TTN: variants seen among roughly 807,000 people sequenced by gnomAD.
The protein encoded by TTN is connectin.
A neutral mutation model predicts 3,223.0 loss-of-function variants in TTN; 1,525 were observed. The observed-to-expected ratio is 0.47, with a 90% CI of 0.45 to 0.49. The LOEUF is 0.49. TTN is among the 20% of genes least tolerant of loss of function. The probability of loss-of-function intolerance (pLI) is 0.00; values close to 1 mark genes in which losing one functional copy is unlikely to be tolerated. For synonymous variants in TTN, 14,094 were observed against 15,161.0 expected, an observed-to-expected ratio of 0.93 and a Z score of 5.17; for missense variants, 40,786 against 43,424.0, an observed-to-expected ratio of 0.94 and a Z score of 5.40.
At position 178,577,661 on chromosome 2, in the gene TTN, G is replaced by A. The variant is rs367924146; in HGVS notation, c.68765C>T (p.Ala22922Val). The part of the protein sequence containing the change: ...YEFRIRAKNT[A>V]GAISAPSEST... ...TTCTGATGGAGCACTGATAGCACCT[G>A]CTGTATTCTTTGCTCTAATTCTGAA... Residue 22922 changes from alanine to valine, a missense_variant, in exon 323 of 363, where the codon GCA (alanine) becomes GTA (valine). Transcript: ENST00000589042. 1.2e-6 allele frequency: 2 copies of A among 1,613,156 alleles called. No individual in the cohort carries two copies. Among genetic ancestry groups the A allele is most frequent in the South Asian group, 1.1e-5 (1 of 91,032 alleles).
At position 178,599,017 on chromosome 2, in the gene TTN, C is replaced by T. The variant is rs572453785; in HGVS notation, c.56693G>A (p.Arg18898His). ...PDKPTVSSVT[R>H]NSMTVNWEEP... ...TTCCCAGTTGACAGTCATGGAGTTA[C>T]GAGTCACGCTGCTAACTGTTGGTTT... is the stretch of plus-strand genomic sequence containing the variant. The change falls in exon 291 of 363, where the codon CGT (arginine) becomes CAT (histidine). Residue 18898 changes from arginine to histidine, a missense_variant. Coordinates refer to ENST00000589042, the MANE Select transcript of TTN (RefSeq NM_001267550.2). 132 of 1,598,810 alleles carry T rather than the reference C, an allele frequency of 8.3e-5. 1 individual carries two copies. The highest frequency in any genetic ancestry group is 2.7e-4 in the African/African-American group (20 of 74,372).
chr2:178,631,407 A>G lies in TTN; in HGVS notation c.43748-107T>C, dbSNP rs908331221. 3 of 1,256,650 alleles carry G rather than the reference A, an allele frequency of 2.4e-6. No homozygotes were observed. In the African/African-American group the frequency reaches 4.6e-5, roughly 19 times the overall value. The allele number at this position is 1,256,650 out of a possible 1,614,324, so 77.8% of individuals were successfully genotyped here. On this transcript the variant is annotated intron_variant, in intron 236 of 362. Coordinates refer to ENST00000589042, the MANE Select transcript of TTN (RefSeq NM_001267550.2). Reference sequence around the variant, plus strand: ...CACAGAGTTCTGAGTATCTTTTAAAATTGTGTCAAGTGTTCAATCATTTAA... The same window carrying G: ...CACAGAGTTCTGAGTATCTTTTAAAGTTGTGTCAAGTGTTCAATCATTTAA...
rs746627128 is a variant in TTN at position 178,764,294 on chromosome 2, C to G, written c.9997G>C (p.Val3333Leu). ...SASLSVEVPE[V>L]VSPDQEMPVY... ...GGCATTTCCTGATCAGGAGACACAA[C>G]TTCTGGAACTAAAGAAAGAAACCAC... Residue 3333 changes from valine (V) to leucine (L), a missense_variant, in exon 43 of 363, where the codon GTT (valine) becomes CTT (leucine). Transcript: ENST00000589042. 6.2e-7 allele frequency: 1 copy of G among 1,613,968 alleles called. No individual in the cohort carries two copies. Among genetic ancestry groups the G allele is most frequent in the Non-Finnish European group, 8.5e-7 (1 of 1,179,956 alleles).
rs6723145 is a variant in TTN, at chr2:178,642,133, C to T, written c.40558+104G>A. On this transcript the variant is annotated intron_variant, in intron 219 of 362. Coordinates refer to ENST00000589042, the MANE Select transcript of TTN (RefSeq NM_001267550.2). ...ACTACAAACAAATTTTGATAAATAG[C>T]GAACCAATTCAAAGAAAACCAAAGG... 1.0e-3 allele frequency: 931 copies of T among 886,688 alleles called. 8 individuals carry two copies. In the African/African-American group the frequency reaches 0.015, roughly 14 times the overall value. The allele number at this position is 886,688 out of a possible 1,614,324, so 54.9% of individuals were successfully genotyped here.
chr2:178,551,807 CTTTCT>C lies in TTN; in HGVS notation c.91088_91092del (p.Lys30363ArgfsTer4). 6.2e-7 allele frequency: 1 copy of C among 1,613,850 alleles called. No homozygotes were observed. Among genetic ancestry groups the C allele is most frequent in the Non-Finnish European group, 8.5e-7 (1 of 1,179,818 alleles). On this transcript the variant is annotated frameshift_variant, in exon 335 of 363. Coordinates refer to ENST00000589042, the MANE Select transcript of TTN (RefSeq NM_001267550.2). LOFTEE classifies it high-confidence loss of function. ...TTTTGCCAGAGGATGCTATTTCTTT[CTTTCT>C]TTTCAACATGGAATCCAGTAACTTC...
chr2:178,778,161 T>C, intron 24 of TTN, 186 bp from the exon 25 acceptor site: 1 of 762,836 alleles, frequency 1.3e-6, no homozygotes, highest in Non-Finnish European at 2.1e-6. Flanking sequence ...ACTATGTTTT[T>C]CCTATATTCT....
At chr2:178,683,601 T>G (rs893362067) in intron 133 of TTN, among the ~76,000 whole-genome samples, 1 of 152,120 alleles carries the variant, frequency 6.6e-6, no homozygotes, top group Non-Finnish European at 1.5e-5. Flanking sequence ...CTATGTTACA[T>G]GAATAGTTTC....
rs779057126 is a variant in TTN at position 178,536,050 on chromosome 2, G to A, written c.100697C>T (p.Thr33566Ile). 33 of 1,595,120 alleles carry A rather than the reference G, an allele frequency of 2.1e-5. No individual in the cohort carries two copies. In the Middle Eastern group the frequency reaches 5.0e-4, roughly 24 times the overall value. The change falls in exon 357 of 363, where the codon ACA (threonine) becomes ATA (isoleucine). Residue 33566 changes from threonine (T) to isoleucine (I), a missense_variant. Physicochemically the swap from Thr to Ile is moderately conservative, Grantham distance 89 (BLOSUM62 -1). Coordinates refer to ENST00000589042, the MANE Select transcript of TTN (RefSeq NM_001267550.2). The stretch of plus-strand genomic sequence containing the variant: ...GTTGGTAGCTCTGACTTGGTAAACT[G>A]TGGCATCATCATCTGTGACACTTGC... The part of the protein sequence containing the change: ...IIASVTDDDA[T>I]VYQVRATNQG...
Position 178,530,296 on chromosome 2 carries a change from G to A in TTN, c.106319C>T (p.Ala35440Val), listed in dbSNP as rs747111465. ...CCGGGGTTCTCCAGTAGCCTTAACTGCAAATTTAGCAACACTGTCTGAAGA... is the reference window on the plus strand; with the variant it reads ...CCGGGGTTCTCCAGTAGCCTTAACTACAAATTTAGCAACACTGTCTGAAGA... Reference protein sequence around the residue: ...TVSSDSVAKFAVKATGEPRPT... With the variant: ...TVSSDSVAKFVVKATGEPRPT... The change falls in exon 358 of 363, where the codon GCA becomes GTA. Residue 35440 changes from alanine (A) to valine (V), a missense_variant. Transcript: ENST00000589042. 4.3e-6 allele frequency: 7 copies of A among 1,613,248 alleles called. No homozygotes were observed. The Admixed American group carries it at 1.2e-4, about 27-fold the overall frequency.
At position 178,757,656 on chromosome 2, in the gene TTN, C is replaced by T. The variant is rs794729587; in HGVS notation, c.10564G>A (p.Ala3522Thr). The T allele has an allele frequency of 3.7e-6, 6 of 1,613,804 alleles. No homozygotes were observed. Among genetic ancestry groups the T allele is most frequent in the Non-Finnish European group, 4.2e-6 (5 of 1,179,778 alleles). ...TAAGCATCAACTATAAGCATTAAAGCCATGCCTGTGGACTCCTCAAAATGG... is the reference window on the plus strand; with the variant it reads ...TAAGCATCAACTATAAGCATTAAAGTCATGCCTGTGGACTCCTCAAAATGG... ...VFHFEESTGM[A>T]LMLIVDAYSE... The change falls in exon 45 of 363, where the codon GCT (alanine) becomes ACT (threonine). Residue 3522 changes from alanine (A) to threonine (T), a missense_variant. Transcript: ENST00000589042.
chr2:178,569,315 A>G lies in TTN; in HGVS notation c.76817T>C (p.Val25606Ala), dbSNP rs1343757002. The G allele has an allele frequency of 1.2e-6, 2 of 1,612,568 alleles. No homozygotes were observed. The highest frequency in any genetic ancestry group is 2.7e-5 in the African/African-American group (2 of 74,866). Reference protein sequence around the residue: ...VRVLDTPSPPVNLKVTEITKD... With the variant: ...VRVLDTPSPPANLKVTEITKD... The stretch of plus-strand genomic sequence containing the variant: ...GGTGATTTCTGTGACTTTCAGGTTA[A>G]CAGGTGGACTTGGCGTGTCCAGAAC... The change falls in exon 326 of 363, where the codon GTT (valine) becomes GCT (alanine). Residue 25606 changes from valine (V) to alanine (A), a missense_variant. Coordinates refer to ENST00000589042, the MANE Select transcript of TTN (RefSeq NM_001267550.2).
intron 211 of TTN, 62 bp downstream of exon 211, chr2:178,649,755 A>G: frequency 5.7e-6 from 9 of 1,568,598 alleles, no homozygotes; most frequent in Non-Finnish European, 7.0e-6. Context: ...CACAACACAC[A>G]ATAAGAAGAG....
rs1295622488 is a variant in TTN, at chr2:178,723,553, A to G, written c.21547T>C (p.Cys7183Arg). 2 of 1,613,432 alleles carry G rather than the reference A, an allele frequency of 1.2e-6. No homozygotes were observed. The highest frequency in any genetic ancestry group is 3.3e-5 in the Admixed American group (2 of 59,962). The change falls in exon 74 of 363, where the codon TGC becomes CGC. Residue 7183 changes from cysteine to arginine, a missense_variant. Physicochemically the swap from Cys to Arg is radical, Grantham distance 180 (BLOSUM62 -3). Transcript: ENST00000589042. The part of the protein sequence containing the change: ...GARELVKGDR[C>R]NIYFEDTVAE... ...ACAGTGTCTTCAAAATAGATGTTGCACCGGTCTCCTTTCACTAGTTCTCTG... is the reference window on the plus strand; with the variant it reads ...ACAGTGTCTTCAAAATAGATGTTGCGCCGGTCTCCTTTCACTAGTTCTCTG...
Position 178,777,193 on chromosome 2 carries a change from C to G in TTN, c.4770G>C (p.Leu1590Phe). The G allele has an allele frequency of 1.1e-5, 18 of 1,614,076 alleles. No homozygotes were observed. Among genetic ancestry groups the G allele is most frequent in the Non-Finnish European group, 1.4e-5 (17 of 1,179,964 alleles). The change falls in exon 27 of 363, where the codon TTG becomes TTC. Residue 1590 changes from leucine to phenylalanine, a missense_variant. By Grantham distance (22) the Leu-to-Phe change is conservative. Coordinates refer to ENST00000589042, the MANE Select transcript of TTN (RefSeq NM_001267550.2). ...TGNPNPDIVW[L>F]KNSDIIVPHK... The stretch of plus-strand genomic sequence containing the variant: ...GAGGCACAATGATGTCACTGTTTTT[C>G]AACCATACAATGTCAGGGTTGGGGT...
At position 178,586,505 on chromosome 2, in the gene TTN, A is replaced by G. The variant is rs780873875; in HGVS notation, c.64396T>C (p.Leu21466=). The G allele has an allele frequency of 6.2e-7, 1 of 1,612,670 alleles. No homozygotes were observed. The highest frequency in any genetic ancestry group is 1.1e-5 in the South Asian group (1 of 90,930). The change falls in exon 308 of 363, where the codon TTG becomes CTG. Residue 21466 remains leucine, a splice_region_variant and synonymous_variant. Coordinates refer to ENST00000589042, the MANE Select transcript of TTN (RefSeq NM_001267550.2). ...CATAAATGAAGCAAAGACTACTTACACAGTTGTTCTTTGGCTTCATACACT... is the reference window on the plus strand; with the variant it reads ...CATAAATGAAGCAAAGACTACTTACGCAGTTGTTCTTTGGCTTCATACACT... The part of the protein sequence containing the change: ...EGVYEAKEQL[L]PPKILMPEQI...
At chr2:178,699,201 A>G (rs2074301642) in intron 111 of TTN, among the ~76,000 whole-genome samples, 1 of 151,776 alleles carries the variant, frequency 6.6e-6, no homozygotes, top group Non-Finnish European at 1.5e-5. Context: ...AATCTAAGTG[A>G]TATCATAAAT....
chr2:178,581,007 A>G lies in TTN; in HGVS notation c.66770-398T>C, dbSNP rs2154176932. On this transcript the variant is annotated intron_variant, in intron 316 of 362. Coordinates refer to ENST00000589042, the MANE Select transcript of TTN (RefSeq NM_001267550.2). ...TCTTTATTATTTCATAGTAGGAAGAAAAGTACCTGGAGGGTGACATATAAT... is the reference window on the plus strand; with the variant it reads ...TCTTTATTATTTCATAGTAGGAAGAGAAGTACCTGGAGGGTGACATATAAT... 1.7e-5 allele frequency: 3 copies of G among 171,598 alleles called. No homozygotes were observed. In the Admixed American group the frequency reaches 1.9e-4, roughly 11 times the overall value. The allele number at this position is 171,598 out of a possible 1,614,324, so 10.6% of individuals were successfully genotyped here. A position where few individuals can be genotyped will look rare whatever the true frequency, so the allele number is the denominator to read the frequency against.
rs780484535 is a variant in TTN at position 178,535,643 on chromosome 2, C to T, written c.100972G>A (p.Gly33658Arg). The change falls in exon 358 of 363, where the codon GGG becomes AGG. Residue 33658 changes from glycine (G) to arginine (R), a missense_variant. Transcript: ENST00000589042. The stretch of plus-strand genomic sequence containing the variant: ...AAACCAGCATCTTTTCTCTCTACCC[C>T]ATTGGGGAAAACAAGTGATGTGAAG... Reference protein sequence around the residue: ...RSFTSLVFPNGVERKDAGFYV... With the variant: ...RSFTSLVFPNRVERKDAGFYV... 14 of 1,613,784 alleles carry T rather than the reference C, an allele frequency of 8.7e-6. No individual in the cohort carries two copies. In the South Asian group the frequency reaches 8.8e-5, roughly 10 times the overall value.
At position 178,688,700 on chromosome 2, in the gene TTN, C is replaced by G. The variant is rs760644344; in HGVS notation, c.32174G>C (p.Arg10725Thr). 1 of 1,613,744 alleles carries G rather than the reference C, an allele frequency of 6.2e-7. No homozygotes were observed. Among genetic ancestry groups the G allele is most frequent in the South Asian group, 1.1e-5 (1 of 91,076 alleles). The change falls in exon 126 of 363, where the codon AGA becomes ACA. Residue 10725 changes from arginine (R) to threonine (T), a missense_variant. Arg to Thr is a moderately conservative substitution (Grantham distance 71). Transcript: ENST00000589042. ...ACCTTCGTGCCGCGTGACTTCCACT[C>G]TTTGAGGAACTGCGAAGGATAGTTT... ...EEKLSFAVPQ[R>T]VEVTRHEVSA...
Sources: gnomAD v4.1 joint callset for allele counts (sites outside exome capture counted in the v4.1 genomes callset) on GRCh38, gnomAD v4.1.1 for gene constraint, MANE v1.5 for transcripts, NCBI Gene and HGNC (gene_info 2026-07-23, HGNC 2026-07-21) for gene names.